AP1S1: variants seen among roughly 807,000 people sequenced by gnomAD.
The protein encoded by AP1S1 is AP-1 complex subunit sigma-1A.
In AP1S1, 13 loss-of-function variants were observed where a neutral mutation model predicts 23.9. The observed-to-expected ratio is 0.54, with a 90% CI of 0.35 to 0.86. The LOEUF (loss-of-function observed/expected upper bound fraction) is 0.86. Among genes scored for constraint, AP1S1 ranks in the 40% least tolerant of loss-of-function variants. The pLI, the probability that AP1S1 is intolerant of heterozygous loss-of-function variation, is 0.01. For missense variants in AP1S1, 119 were observed against 197.6 expected (o/e 0.60, Z 2.38); for synonymous variants, 84 against 77.7 (o/e 1.08, Z -0.43).
chr7:101,156,683 G>C lies in AP1S1; in HGVS notation c.93G>C (p.Met31Ile). Residue 31 changes from methionine (M) to isoleucine (I), a missense_variant, in exon 2 of 5, where the codon ATG (methionine) becomes ATC (isoleucine). Met to Ile is a conservative substitution (Grantham distance 10). Transcript: ENST00000337619. ...LATSDKERKK[M>I]VRELMQVVLA... ...CTTCGGACAAGGAACGGAAGAAGAT[G>C]GTGCGCGAGCTCATGCAGGTTGTCC... The C allele has an allele frequency of 6.2e-7, 1 of 1,610,834 alleles. No homozygotes were observed. Among genetic ancestry groups the C allele is most frequent in the Non-Finnish European group, 8.5e-7 (1 of 1,178,676 alleles).
chr7:101,160,357 A>G (rs968116684), intron 4 of AP1S1, among the ~76,000 whole-genome samples, 162 bp from the exon 5 acceptor site: 1 of 151,866 alleles, frequency 6.6e-6, no homozygotes. Context: ...TGGGTGCCCC[A>G]TGAAGGGCTC....
chr7:101,160,955 A>AACTT lies in AP1S1; in HGVS notation c.*391_*392insTTAC, dbSNP rs1797094673. On this transcript the variant is annotated 3_prime_UTR_variant, in exon 5 of 5. Coordinates refer to ENST00000337619, the MANE Select transcript of AP1S1 (RefSeq NM_001283.5). ...GCACTTCTTGTCCTCTCTGTCCCAT[A>AACTT]ACCTACCTCCACCCTCCCCCTAGCC... is the stretch of plus-strand genomic sequence containing the variant. The AACTT allele has an allele frequency of 3.1e-6, 1 of 322,256 alleles. No individual in the cohort carries two copies. The highest frequency in any genetic ancestry group is 6.1e-6 in the Non-Finnish European group (1 of 163,864). 20.0% of individuals were successfully genotyped at this position (322,256 alleles called of 1,614,324 possible).
At chr7:101,155,137 C>G (rs1027265048) in intron 1 of AP1S1, 1 of 664,212 alleles carries the variant, frequency 1.5e-6, no homozygotes, top group Admixed American at 6.3e-5. Flanking sequence ...GGAATCCAGG[C>G]CTTCCGTCTT....
At chr7:101,154,573 C>T (rs1393169363) in intron 1 of AP1S1, 56 bp downstream of exon 1, 1 of 1,490,164 alleles carries the variant, frequency 6.7e-7, no homozygotes, top group Non-Finnish European at 9.0e-7. Flanking sequence ...GCTGCACCTG[C>T]GGGGGTCCTC....
chr7:101,159,617 TC>T, intron 4 of AP1S1: 5 of 168,128 alleles, frequency 3.0e-5, no homozygotes, highest in East Asian at 1.8e-4. Context: ...CTTTTTTTTT[TC>T]TTTTTTTTTT....
At chr7:101,159,416 T>G in intron 4 of AP1S1, 8 of 562,946 alleles carry the variant, frequency 1.4e-5, no homozygotes, top group Middle Eastern at 4.8e-4. Context: ...GCACCCCTCA[T>G]TCCAAGCTCT....
In AP1S1 at chr7:101,154,532, G is replaced by A; in HGVS notation, c.3+15G>A. 1 of 1,566,350 alleles carries A rather than the reference G, an allele frequency of 6.4e-7. No individual in the cohort carries two copies. The highest frequency in any genetic ancestry group is 8.6e-7 in the Non-Finnish European group (1 of 1,156,234). On this transcript the variant is annotated intron_variant, in intron 1 of 4. Coordinates refer to ENST00000337619, the MANE Select transcript of AP1S1 (RefSeq NM_001283.5). ...GCTGCAGGATGGTAGGCTGTGCGAA[G>A]AGGGAGGGGAGGGGGAAGCGAGGGG...
At chr7:101,158,760 G>T (rs555450929) in intron 3 of AP1S1, among the ~76,000 whole-genome samples, 8 of 152,156 alleles carry the variant, frequency 5.3e-5, no homozygotes, top group Middle Eastern at 3.4e-3. Context: ...AAAATGAGGT[G>T]GGCGTGATAG....
At chr7:101,159,501 AC>A (rs934609749) in intron 4 of AP1S1, 7 of 391,588 alleles carry the variant, frequency 1.8e-5, no homozygotes, top group Non-Finnish European at 3.2e-5. Flanking sequence ...AAGGCTTAAC[AC>A]CAAAGGGTTA....
At chr7:101,159,986 G>GCACACACA (rs914455706) in intron 4 of AP1S1, among the ~76,000 whole-genome samples, 2 of 144,394 alleles carry the variant, frequency 1.4e-5, no homozygotes, top group African/African-American at 5.1e-5. Flanking sequence ...ACCCTGGCGC[G>GCACACACA]CACACACACA....
chr7:101,159,285 A>C, intron 4 of AP1S1, 89 bp downstream of exon 4: 2 of 1,517,238 alleles, frequency 1.3e-6, no homozygotes, highest in South Asian at 1.2e-5. Flanking sequence ...TGCCCTGCCC[A>C]CCGTCGCCAA....
At chr7:101,160,086 AC>A (rs1797070917) in intron 4 of AP1S1, among the ~76,000 whole-genome samples, 1 of 151,336 alleles carries the variant, frequency 6.6e-6, no homozygotes, top group Non-Finnish European at 1.5e-5. Context: ...AGCCTGGTTC[AC>A]CTTCCCTCAG....
At chr7:101,159,254 C>T in intron 4 of AP1S1, 58 bp downstream of exon 4, 1 of 1,555,254 alleles carries the variant, frequency 6.4e-7, no homozygotes, top group Non-Finnish European at 8.7e-7. Flanking sequence ...ACAGGGTCCT[C>T]CCTCCCCTGG....
At chr7:101,154,623 G>A (rs1796961176) in intron 1 of AP1S1, 106 bp downstream of exon 1, 1 of 1,435,584 alleles carries the variant, frequency 7.0e-7, no homozygotes, top group African/African-American at 1.5e-5. Flanking sequence ...TCTTCCCTCT[G>A]GTCCTCAGAG....
At chr7:101,155,071 C>G (rs1796971824) in intron 1 of AP1S1, 1 of 978,446 alleles carries the variant, frequency 1.0e-6, no homozygotes, top group South Asian at 4.7e-5. Context: ...CCGAGGGACC[C>G]AGGCTTTGGG....
At chr7:101,159,019 G>T (rs899722983) in intron 3 of AP1S1, 40 bp from the exon 4 acceptor site, 17 of 1,604,802 alleles carry the variant, frequency 1.1e-5, no homozygotes, top group African/African-American at 1.3e-5. Flanking sequence ...GGCTCCAGTT[G>T]CCCCTCCATG....
intron 4 of AP1S1, 55 bp downstream of exon 4, chr7:101,159,251 C>A (rs1288250882): frequency 1.9e-6 from 3 of 1,555,978 alleles, no homozygotes; most frequent in Non-Finnish European, 2.6e-6. Context: ...CGGACAGGGT[C>A]CTCCCTCCCC....
At chr7:101,156,816 G>T in intron 2 of AP1S1, 44 bp downstream of exon 2, 1 of 1,453,402 alleles carries the variant, frequency 6.9e-7, no homozygotes. Flanking sequence ...TTCAAGTTGG[G>T]CAGTGGGTTA....
intron 4 of AP1S1, chr7:101,159,607 CTTTT>C (rs896709387): frequency 6.1e-6 from 1 of 163,090 alleles, no homozygotes; most frequent in African/African-American, 2.5e-5. Flanking sequence ...CCCCACCTCT[CTTTT>C]TTTTTTCTTT....
Sources: gnomAD v4.1 joint callset for allele counts (sites outside exome capture counted in the v4.1 genomes callset) on GRCh38, gnomAD v4.1.1 for gene constraint, MANE v1.5 for transcripts, NCBI Gene and HGNC (gene_info 2026-07-23, HGNC 2026-07-21) for gene names.